MDGA2: variants seen among roughly 807,000 people sequenced by gnomAD.
MDGA2 encodes MAM domain-containing glycosylphosphatidylinositol anchor protein 2.
MDGA2 carries 40 observed loss-of-function variants against 117.8 expected under a neutral mutation model. The observed-to-expected ratio is 0.34, with a 90% CI of 0.26 to 0.44. MDGA2 has a LOEUF of 0.44. MDGA2 is among the 20% of genes least tolerant of loss of function. The probability of loss-of-function intolerance (pLI) is 1.00; values close to 1 mark genes in which losing one functional copy is unlikely to be tolerated. For synonymous variants in MDGA2, 452 were observed against 439.0 expected, an observed-to-expected ratio of 1.03 and a Z score of -0.37; for missense variants, 1,123 against 1,250.6, an observed-to-expected ratio of 0.90 and a Z score of 1.54.
chr14:47,414,155 G>C (rs1027153308), intron 1 of MDGA2, among the ~76,000 whole-genome samples: 1 of 152,144 alleles, frequency 6.6e-6, no homozygotes, highest in Non-Finnish European at 1.5e-5. Context: ...GTGAAATTGA[G>C]TTATAGCCCT....
At chr14:46,938,107 A>T (rs1884848967) in intron 9 of MDGA2, among the ~76,000 whole-genome samples, 1 of 152,212 alleles carries the variant, frequency 6.6e-6, no homozygotes, top group Admixed American at 6.5e-5. Flanking sequence ...CTAGCACAAA[A>T]ATATACAATC....
intron 1 of MDGA2, among the ~76,000 whole-genome samples, chr14:47,352,666 A>G (rs188057877): frequency 6.6e-6 from 1 of 152,400 alleles, no homozygotes; most frequent in East Asian, 1.9e-4. Context: ...TTTGTAAATC[A>G]TAAGTTACTA....
intron 8 of MDGA2, among the ~76,000 whole-genome samples, chr14:47,001,011 C>G (rs915084853): frequency 1.3e-5 from 2 of 151,844 alleles, no homozygotes; most frequent in South Asian, 4.1e-4. Flanking sequence ...AAGATGTGGA[C>G]AGAACATAAA....
At chr14:47,493,767 T>A (rs952560914) in intron 1 of MDGA2, among the ~76,000 whole-genome samples, 3 of 152,238 alleles carry the variant, frequency 2.0e-5, no homozygotes, top group Non-Finnish European at 4.4e-5. Context: ...CTTATTTTTG[T>A]CATTACCAAT....
chr14:46,982,705 C>CAAAAAAAAAAAAAAAAAAAAA (rs59530070), intron 8 of MDGA2, among the ~76,000 whole-genome samples: 2 of 45,910 alleles, frequency 4.4e-5, no homozygotes, highest in African/African-American at 1.9e-4. Context: ...GAGACTCCAT[C>CAAAAAAAAAAAAAAAAAAAAA]AAAAAAAAAA....
intron 10 of MDGA2, among the ~76,000 whole-genome samples, chr14:46,916,321 TG>T (rs1883896105): frequency 6.6e-6 from 1 of 152,150 alleles, no homozygotes; most frequent in Non-Finnish European, 1.5e-5. Flanking sequence ...TACAGAGACC[TG>T]AGTTCGAGCC....
At chr14:47,227,096 G>A (rs1377989809) in intron 2 of MDGA2, among the ~76,000 whole-genome samples, 1 of 152,058 alleles carries the variant, frequency 6.6e-6, no homozygotes, top group Non-Finnish European at 1.5e-5. Context: ...TTAGAAATCA[G>A]CTGTGTATAT....
rs768281674 is a variant in MDGA2 at position 46,882,061 on chromosome 14, C to A, written c.2399G>T (p.Arg800Leu). The A allele has an allele frequency of 1.2e-5, 20 of 1,605,882 alleles. No homozygotes were observed. The highest frequency in any genetic ancestry group is 5.4e-5 in the African/African-American group (4 of 74,662). Residue 800 changes from arginine to leucine, a missense_variant, in exon 11 of 17, where the codon CGT becomes CTT. Transcript: ENST00000399232. ...TKFGEGDSTI[R>L]VIKYSAPVNP... ...CTACTTACCACTATATTTGATCACA[C>A]GAATTGTTGAATCTCCTTCACCAAA... is the stretch of plus-strand genomic sequence containing the variant.
At chr14:47,347,134 T>A (rs1373586987) in intron 1 of MDGA2, among the ~76,000 whole-genome samples, 1 of 152,156 alleles carries the variant, frequency 6.6e-6, no homozygotes, top group East Asian at 1.9e-4. Context: ...TAAACAGAGG[T>A]CTGCAGCCAC....
intron 1 of MDGA2, among the ~76,000 whole-genome samples, chr14:47,308,039 A>G (rs185257849): frequency 4.6e-5 from 7 of 152,320 alleles, no homozygotes; most frequent in Non-Finnish European, 7.3e-5. Flanking sequence ...TGGACTGTCC[A>G]AAAATATTAC....
chr14:47,148,225 T>A (rs1883022020), intron 3 of MDGA2, among the ~76,000 whole-genome samples: 1 of 152,140 alleles, frequency 6.6e-6, no homozygotes, highest in African/African-American at 2.4e-5. Flanking sequence ...ATAGAAGCTT[T>A]TTCCCTTTCT....
chr14:46,906,972 CTTTTTTTTTTTTTTT>C (rs372756942), intron 10 of MDGA2, among the ~76,000 whole-genome samples: 1 of 99,564 alleles, frequency 1.0e-5, no homozygotes, highest in Non-Finnish European at 1.9e-5. Context: ...TTACCTTTTT[CTTTTTTTTTTTTTTT>C]TTTTTTTTGA....
In MDGA2 at chr14:46,930,343, A is replaced by AT. The variant is rs575501462; in HGVS notation, c.2090-10184dup. Among the ~76,000 whole-genome samples, 73 of 152,008 alleles carry AT rather than the reference A, an allele frequency of 4.8e-4. 2 individuals carry two copies. The South Asian group carries it at 8.7e-3, about 18-fold the overall frequency. On this transcript the variant is annotated intron_variant, in intron 9 of 16. Coordinates refer to ENST00000399232, the MANE Select transcript of MDGA2 (RefSeq NM_001113498.3). Reference sequence around the variant, plus strand: ...AAGAGATTTAAGATGTCATCAGCATATTTTTTTTAAAAGCCAAATTACTCT... The same window carrying AT: ...AAGAGATTTAAGATGTCATCAGCATATTTTTTTTTAAAAGCCAAATTACTCT...
chr14:47,622,236 T>C (rs1202202767), intron 1 of MDGA2, among the ~76,000 whole-genome samples: 1 of 151,844 alleles, frequency 6.6e-6, no homozygotes, highest in Non-Finnish European at 1.5e-5. Flanking sequence ...AAGAAGAAGA[T>C]TTGGAGGGGG....
chr14:47,594,315 C>T (rs1049310012), intron 1 of MDGA2, among the ~76,000 whole-genome samples: 2 of 152,092 alleles, frequency 1.3e-5, no homozygotes, highest in Non-Finnish European at 2.9e-5. Flanking sequence ...CATATTTTCT[C>T]CCATACATTT....
At chr14:46,930,432 CTT>C (rs1172910488) in intron 9 of MDGA2, among the ~76,000 whole-genome samples, 2 of 151,908 alleles carry the variant, frequency 1.3e-5, no homozygotes, top group African/African-American at 4.8e-5. Flanking sequence ...AAAAAACAAA[CTT>C]TGGTAAATAA....
chr14:46,955,527 G>A (rs528908780), intron 9 of MDGA2, among the ~76,000 whole-genome samples: 18 of 151,984 alleles, frequency 1.2e-4, no homozygotes, highest in Non-Finnish European at 2.9e-5. Flanking sequence ...TGCTTACTTT[G>A]TTCTTTTTCC....
Position 46,982,705 on chromosome 14 carries a change from CAAAAAAAAAAAA to C in MDGA2, c.1820-25074_1820-25063del, listed in dbSNP as rs59530070. Among the ~76,000 whole-genome samples the C allele has an allele frequency of 3.6e-3, 164 of 45,954 alleles. 1 individual carries two copies. Among genetic ancestry groups the C allele is most frequent in the South Asian group, 0.023 (21 of 902 alleles). 30.1% of individuals were successfully genotyped at this position (45,954 alleles called of 152,430 possible). A position where few individuals can be genotyped will look rare whatever the true frequency, so the allele number is the denominator to read the frequency against. On this transcript the variant is annotated intron_variant, in intron 8 of 16. Coordinates refer to ENST00000399232, the MANE Select transcript of MDGA2 (RefSeq NM_001113498.3). ...GCCTGGTGACAGAGGGAGACTCCAT[CAAAAAAAAAAAA>C]AAAAAAAAAAAAAAAAAAATCATGT...
chr14:47,457,013 T>A (rs564785098), intron 1 of MDGA2, among the ~76,000 whole-genome samples: 1 of 152,140 alleles, frequency 6.6e-6, no homozygotes, highest in Non-Finnish European at 1.5e-5. Flanking sequence ...TACTACAACA[T>A]CTGGCTGAAC....
Sources: allele counts gnomAD v4.1 joint callset (sites outside exome capture counted in the v4.1 genomes callset), GRCh38; gene constraint gnomAD v4.1.1; transcripts MANE v1.5; gene names NCBI Gene and HGNC (gene_info 2026-07-23, HGNC 2026-07-21).